The following ITIH6 variants were observed in gnomAD, a reference collection of about 807,000 sequenced individuals.
ITIH6 encodes the protein inter-alpha-trypsin inhibitor heavy chain family member 6.
A neutral mutation model predicts 58.2 loss-of-function variants in ITIH6; 60 were observed. The ratio of observed to expected loss-of-function variants is 1.03; its 90% CI spans 0.84 to 1.28. The LOEUF is 1.28. Among genes scored for constraint, ITIH6 ranks in the 50% most tolerant of loss-of-function variants. The pLI, the probability that ITIH6 is intolerant of heterozygous loss-of-function variation, is 0.00. For missense variants in ITIH6, 1,290 were observed against 1,021.1 expected (o/e 1.26, Z -3.59); for synonymous variants, 493 against 417.4 (o/e 1.18, Z -2.21).
chrX:54,791,783 C>A (rs1048137201), intron 3 of ITIH6, 143 bp downstream of exon 3: 7 of 394,133 alleles, frequency 1.8e-5, no homozygotes, highest in African/African-American at 1.8e-4. Context: ...CATTAACTCA[C>A]ATCATCTTCA....
chrX:54,791,379 T>A (rs1929346350), intron 3 of ITIH6, among the ~76,000 whole-genome samples: 1 of 109,557 alleles, frequency 9.1e-6, no homozygotes, highest in Non-Finnish European at 1.9e-5. Flanking sequence ...ACAGACCAAC[T>A]AGGGTCTAAT....
rs370256056 is a variant in ITIH6, at chrX:54,749,954, C to T, written c.3883G>A (p.Val1295Met). Reference protein sequence around the residue: ...LLPRWASCWLVKRSHVELLLG... With the variant: ...LLPRWASCWLMKRSHVELLLG... ...AGCAGCTCTACATGAGAGCGCTTCA[C>T]CAGCCAGCAGGAAGCCCAGCGGGGC... The change falls in exon 13 of 13, where the codon GTG becomes ATG. Residue 1295 changes from valine to methionine, a missense_variant. Transcript: ENST00000218436. 8.3e-7 allele frequency: 1 copy of T among 1,211,672 alleles called. No homozygotes were observed. The highest frequency in any genetic ancestry group is 1.7e-5 in the African/African-American group (1 of 57,809).
chrX:54,784,764 A>G (rs1929212476), intron 5 of ITIH6, among the ~76,000 whole-genome samples: 1 of 111,788 alleles, frequency 8.9e-6, no homozygotes, highest in Non-Finnish European at 1.9e-5. Flanking sequence ...TAGTAGAACC[A>G]TATGGAGAAC....
At position 54,757,748 on chromosome X, in the gene ITIH6, C is replaced by G; in HGVS notation, c.2326G>C (p.Val776Leu). 8.3e-7 allele frequency: 1 copy of G among 1,211,664 alleles called. No homozygotes were observed. Among genetic ancestry groups the G allele is most frequent in the Non-Finnish European group, 1.1e-6 (1 of 895,457 alleles). The change falls in exon 8 of 13, where the codon GTG (valine) becomes CTG (leucine). Residue 776 changes from valine (V) to leucine (L), a missense_variant. Val to Leu is a conservative substitution (Grantham distance 32). Transcript: ENST00000218436. ...GAATGCAGTGGAGTAACACATTTCA[C>G]AGTGTCAGCTTTGGGCGAGGCTGGG... ...GIPASPKADT[V>L]KCVTPLHSKP...
intron 2 of ITIH6, among the ~76,000 whole-genome samples, chrX:54,793,081 G>A (rs1245920156): frequency 2.7e-5 from 3 of 111,094 alleles, no homozygotes; most frequent in African/African-American, 9.8e-5. Context: ...TCCCAAATAT[G>A]TATCTCCAGT....
chrX:54,757,232 G>A lies in ITIH6; in HGVS notation c.2842C>T (p.Pro948Ser), dbSNP rs1928511233. ...ACTTGCCTGGTCCTCTGGGGACCCG[G>A]GAGGAGGTCATACTGATGCCAGAAC... ...GRFWHQYDLL[P>S]GPQRTRQVLG... The change falls in exon 8 of 13, where the codon CCG becomes TCG. Residue 948 changes from proline to serine, a missense_variant. Physicochemically the swap from Pro to Ser is moderately conservative, Grantham distance 74. Coordinates refer to ENST00000218436, the MANE Select transcript of ITIH6 (RefSeq NM_198510.3). 1.7e-6 allele frequency: 2 copies of A among 1,196,120 alleles called. No individual in the cohort carries two copies. The highest frequency in any genetic ancestry group is 2.3e-6 in the Non-Finnish European group (2 of 887,088).
chrX:54,756,115 G>C (rs921622357), intron 8 of ITIH6, among the ~76,000 whole-genome samples: 1 of 111,161 alleles, frequency 9.0e-6, no homozygotes. Flanking sequence ...AGGATGGATA[G>C]GATATTGGAG....
chrX:54,763,080 T>G (rs73212561), intron 6 of ITIH6, among the ~76,000 whole-genome samples: 1,771 of 112,023 alleles, frequency 0.016, 17 homozygotes, highest in Non-Finnish European at 0.025. Flanking sequence ...TTGGGAGGTT[T>G]TAAATCCAGT....
At chrX:54,786,089 C>T (rs968552049) in intron 5 of ITIH6, among the ~76,000 whole-genome samples, 1 of 112,166 alleles carries the variant, frequency 8.9e-6, no homozygotes, top group Non-Finnish European at 1.9e-5. Context: ...GCAGTGAATT[C>T]GTTGTACTGC....
rs530101686 is a variant in ITIH6 at position 54,756,505 on chromosome X, T to A, written c.3109+460A>T. On this transcript the variant is annotated intron_variant, in intron 8 of 12. Coordinates refer to ENST00000218436, the MANE Select transcript of ITIH6 (RefSeq NM_198510.3). ...CAAATGTTAACTTATTATTTCATAC[T>A]TTTTTTGGAAATTAAAGATAATTTT... Among the ~76,000 whole-genome samples the A allele has an allele frequency of 4.5e-5, 5 of 111,798 alleles. No individual in the cohort carries two copies. The South Asian group carries it at 1.5e-3, about 34-fold the overall frequency.
chrX:54,787,924 A>AC (rs1569544286), intron 5 of ITIH6, among the ~76,000 whole-genome samples: 1 of 110,446 alleles, frequency 9.1e-6, no homozygotes, highest in Non-Finnish European at 1.9e-5. Flanking sequence ...GTCTCAGGCT[A>AC]CCCCGCCATC....
rs760760722 is a variant in ITIH6 at position 54,757,500 on chromosome X, C to T, written c.2574G>A (p.Pro858=). The T allele has an allele frequency of 1.7e-5, 21 of 1,208,054 alleles. No individual in the cohort carries two copies. The highest frequency in any genetic ancestry group is 7.1e-5 in the African/African-American group (4 of 56,532). ...KTPKILLSLK[P]SAPPHQISTS... is the part of the protein sequence containing the mutation. ...TGGAAATTTGGTGTGGTGGGGCACT[C>T]GGTTTAAGAGATAATAAGATTTTAG... The change falls in exon 8 of 13, where the codon CCG becomes CCA. Residue 858 remains proline (P), a synonymous_variant. Transcript: ENST00000218436.
At chrX:54,760,175 A>G (rs1911940055) in intron 6 of ITIH6, among the ~76,000 whole-genome samples, 1 of 112,271 alleles carries the variant, frequency 8.9e-6, no homozygotes, top group Non-Finnish European at 1.9e-5. Flanking sequence ...TAAACTAGCT[A>G]AAATTAAAGA....
chrX:54,784,621 A>G (rs969072376), intron 5 of ITIH6, among the ~76,000 whole-genome samples: 3 of 112,282 alleles, frequency 2.7e-5, no homozygotes, highest in Non-Finnish European at 5.6e-5. Flanking sequence ...CAGAGAAGTG[A>G]AAGTCAAAAA....
intron 11 of ITIH6, among the ~76,000 whole-genome samples, chrX:54,752,461 G>A (rs1928384422): frequency 8.9e-6 from 1 of 112,087 alleles, no homozygotes; most frequent in Non-Finnish European, 1.9e-5. Context: ...TTTAAGAAGG[G>A]ATGAGACAAT....
At chrX:54,779,207 G>A (rs1929106580) in intron 5 of ITIH6, among the ~76,000 whole-genome samples, 1 of 111,892 alleles carries the variant, frequency 8.9e-6, no homozygotes, top group Non-Finnish European at 1.9e-5. Context: ...AAAACTTACT[G>A]GCAATAGTAA....
At chrX:54,756,622 G>A (rs1007898198) in intron 8 of ITIH6, among the ~76,000 whole-genome samples, 1 of 111,688 alleles carries the variant, frequency 9.0e-6, no homozygotes, top group African/African-American at 3.3e-5. Flanking sequence ...ATCCAATGAT[G>A]CATTCCTCCC....
chrX:54,756,708 G>C (rs1032163035), intron 8 of ITIH6, among the ~76,000 whole-genome samples: 1 of 111,077 alleles, frequency 9.0e-6, no homozygotes, highest in African/African-American at 3.3e-5. Context: ...ATTTGTTTCT[G>C]TTCAGCCTTC....
chrX:54,795,658 T>C (rs778521736), intron 2 of ITIH6, among the ~76,000 whole-genome samples: 2 of 111,792 alleles, frequency 1.8e-5, no homozygotes, highest in Non-Finnish European at 3.8e-5. Context: ...TTTTCCTGGA[T>C]TCCTCCAGTC....
Sources: allele counts gnomAD v4.1 joint callset (sites outside exome capture counted in the v4.1 genomes callset), GRCh38; gene constraint gnomAD v4.1.1; transcripts MANE v1.5; gene names NCBI Gene and HGNC (gene_info 2026-07-23, HGNC 2026-07-21).